HSPA12A: variants seen among roughly 807,000 people sequenced by gnomAD.
HSPA12A encodes the protein heat shock 70 kDa protein 12A.
In HSPA12A, 28 loss-of-function variants were observed where a neutral mutation model predicts 69.2. The ratio of observed to expected loss-of-function variants is 0.40; its 90% CI spans 0.30 to 0.55. HSPA12A has a LOEUF of 0.55. HSPA12A is among the 20% of genes least tolerant of loss of function. The pLI is 0.38. For missense variants in HSPA12A, 686 were observed against 900.7 expected, an observed-to-expected ratio of 0.76 and a Z score of 3.05; for synonymous variants, 345 against 370.5, an observed-to-expected ratio of 0.93 and a Z score of 0.79.
chr10:116,827,043 T>G (rs1000194454), intron 2 of HSPA12A, among the ~76,000 whole-genome samples: 2 of 152,180 alleles, frequency 1.3e-5, no homozygotes, highest in Admixed American at 1.3e-4. Flanking sequence ...CAGCAGGGGT[T>G]CCGCAGATGT....
intron 2 of HSPA12A, among the ~76,000 whole-genome samples, chr10:116,748,259 T>A (rs1302518987): frequency 6.6e-6 from 1 of 152,196 alleles, no homozygotes; most frequent in South Asian, 2.1e-4. Flanking sequence ...AGCAAGCCCA[T>A]GGTCACAGTA....
intron 2 of HSPA12A, among the ~76,000 whole-genome samples, chr10:116,802,128 T>C (rs1169005527): frequency 3.3e-5 from 5 of 152,136 alleles, no homozygotes; most frequent in Admixed American, 3.3e-4. Context: ...AGCAATTCAA[T>C]CCTGGGAGTC....
rs1189642910 is a variant in HSPA12A, at chr10:116,681,647, A to C, written c.922+144T>G. The stretch of plus-strand genomic sequence containing the variant: ...TACAACATGCAAAATTACAGCTCCC[A>C]AAAGAGCTCTCCCTGCATGAGTGGT... On this transcript the variant is annotated intron_variant, in intron 8 of 11. Transcript: ENST00000369209. 5 of 663,910 alleles carry C rather than the reference A, an allele frequency of 7.5e-6. No homozygotes were observed. In the East Asian group the frequency reaches 1.3e-4, roughly 18 times the overall value. The allele number at this position is 663,910 out of a possible 1,614,324, so 41.1% of individuals were successfully genotyped here. A position where few individuals can be genotyped will look rare whatever the true frequency, so the allele number is the denominator to read the frequency against.
At chr10:116,755,016 C>T (rs1203143643) in intron 2 of HSPA12A, among the ~76,000 whole-genome samples, 1 of 152,068 alleles carries the variant, frequency 6.6e-6, no homozygotes, top group Non-Finnish European at 1.5e-5. Context: ...TGCAGTGGCA[C>T]GATCTTAGCT....
rs1395325059 is a variant in HSPA12A, at chr10:116,686,391, C to T, written c.664-2429G>A. ...CATAGAAGGTCCAAGGGGGAAGCTT[C>T]CACAAAACGGGGTGAGGAAGAAGGG... On this transcript the variant is annotated intron_variant, in intron 6 of 11. Transcript: ENST00000369209. This position sits in a 1 kb window ranked among gnomAD's most constrained non-coding sequence, Gnocchi z 4.1. Among the ~76,000 whole-genome samples, 2 of 152,154 alleles carry T rather than the reference C, an allele frequency of 1.3e-5. No individual in the cohort carries two copies. Among genetic ancestry groups the T allele is most frequent in the African/African-American group, 4.8e-5 (2 of 41,422 alleles).
intron 2 of HSPA12A, among the ~76,000 whole-genome samples, chr10:116,782,355 C>T (rs1554891886): frequency 6.6e-6 from 1 of 152,208 alleles, no homozygotes; most frequent in African/African-American, 2.4e-5. Flanking sequence ...GACACAGCAA[C>T]CCCACTAGCA....
chr10:116,705,776 G>A (rs1277455088), intron 2 of HSPA12A, among the ~76,000 whole-genome samples: 1 of 152,152 alleles, frequency 6.6e-6, no homozygotes. Flanking sequence ...TCCCAGGACC[G>A]TGTCCAATCC....
At chr10:116,781,705 C>T (rs969135472) in intron 2 of HSPA12A, among the ~76,000 whole-genome samples, 4 of 152,194 alleles carry the variant, frequency 2.6e-5, no homozygotes, top group African/African-American at 9.7e-5. Context: ...TGCCTCACTC[C>T]AGTTTTTAAT....
intron 2 of HSPA12A, among the ~76,000 whole-genome samples, chr10:116,809,850 C>T (rs1845140721): frequency 6.6e-6 from 1 of 152,210 alleles, no homozygotes; most frequent in Non-Finnish European, 1.5e-5. Context: ...GTATACAGAA[C>T]TGGCAGAGCA....
At chr10:116,765,445 G>C (rs985253609) in intron 2 of HSPA12A, among the ~76,000 whole-genome samples, 1 of 152,118 alleles carries the variant, frequency 6.6e-6, no homozygotes, top group Non-Finnish European at 1.5e-5. Context: ...GCTCCCACTG[G>C]CCAAATCCGG....
chr10:116,792,792 A>G (rs1844729093), intron 2 of HSPA12A, among the ~76,000 whole-genome samples: 1 of 151,940 alleles, frequency 6.6e-6, no homozygotes, highest in Non-Finnish European at 1.5e-5. Context: ...CCCTGTCTCA[A>G]AAAAGAAAAG....
upstream of HSPA12A, among the ~76,000 whole-genome samples, chr10:116,743,508 G>A (rs1427145722): frequency 5.3e-5 from 8 of 152,210 alleles, no homozygotes; most frequent in Admixed American, 3.9e-4. Flanking sequence ...CTAACATTTT[G>A]CAGATAAGGA....
In HSPA12A at chr10:116,686,171, C is replaced by A. The variant is rs925967017; in HGVS notation, c.664-2209G>T. On this transcript the variant is annotated intron_variant, in intron 6 of 11. Transcript: ENST00000369209. The surrounding 1 kb of genome is among the most constrained non-coding windows in gnomAD (Gnocchi z 4.1). Reference sequence around the variant, plus strand: ...TTAGACATCCTTAGCACAAACATGGCTGGAGGTTAAAGTGAAAGAGGATGT... The same window carrying A: ...TTAGACATCCTTAGCACAAACATGGATGGAGGTTAAAGTGAAAGAGGATGT... 2.4e-4 allele frequency among the ~76,000 whole-genome samples: 37 copies of A among 152,146 alleles called. No homozygotes were observed. The highest frequency in any genetic ancestry group is 7.3e-5 in the Non-Finnish European group (5 of 68,042).
At chr10:116,826,405 T>C (rs1379000571) in intron 2 of HSPA12A, among the ~76,000 whole-genome samples, 3 of 152,098 alleles carry the variant, frequency 2.0e-5, no homozygotes, top group African/African-American at 7.2e-5. Context: ...AATGAACGAA[T>C]GAATGAATAA....
chr10:116,782,987 C>A (rs1267839984), intron 2 of HSPA12A, among the ~76,000 whole-genome samples: 1 of 152,096 alleles, frequency 6.6e-6, no homozygotes, highest in African/African-American at 2.4e-5. Context: ...CATGGTGGGC[C>A]CCAAGGCGAA....
At chr10:116,801,060 G>GC (rs1313230115) in intron 2 of HSPA12A, among the ~76,000 whole-genome samples, 2 of 152,172 alleles carry the variant, frequency 1.3e-5, no homozygotes, top group African/African-American at 4.8e-5. Flanking sequence ...AAATAAATGA[G>GC]CTATGTGTTA....
intron 2 of HSPA12A, among the ~76,000 whole-genome samples, chr10:116,834,148 C>T (rs1481229429): frequency 1.3e-5 from 2 of 152,188 alleles, no homozygotes; most frequent in Non-Finnish European, 2.9e-5. Flanking sequence ...AAAACATGAC[C>T]AGCCCAACCT....
chr10:116,761,291 G>T (rs782208227), intron 2 of HSPA12A, among the ~76,000 whole-genome samples: 4 of 152,082 alleles, frequency 2.6e-5, no homozygotes, highest in Non-Finnish European at 4.4e-5. Context: ...TTCGAGGCCA[G>T]ACTGGGCAAC....
chr10:116,800,120 G>A (rs1056360019), intron 2 of HSPA12A, among the ~76,000 whole-genome samples: 2 of 152,198 alleles, frequency 1.3e-5, no homozygotes, highest in Non-Finnish European at 2.9e-5. Context: ...AGATGAACAA[G>A]CTGATACCAT....
Sources: allele counts gnomAD v4.1 joint callset (sites outside exome capture counted in the v4.1 genomes callset), GRCh38; gene constraint gnomAD v4.1.1; non-coding constraint Gnocchi (gnomAD v3.1); transcripts MANE v1.5; gene names NCBI Gene and HGNC (gene_info 2026-07-23, HGNC 2026-07-21).